RIOK1: variants seen among roughly 807,000 people sequenced by gnomAD.
The protein encoded by RIOK1 is serine/threonine-protein kinase RIO1.
In RIOK1, 66 loss-of-function variants were observed where a neutral mutation model predicts 73.5. That is an observed-to-expected ratio of 0.90 (90% CI 0.74 to 1.10). The LOEUF (loss-of-function observed/expected upper bound fraction) is 1.10, where lower values mean the gene tolerates loss of function less well. Ranked by LOEUF, RIOK1 falls within the 50% of genes least tolerant of loss-of-function variation. RIOK1 has a pLI of 0.00. For missense variants in RIOK1, 658 were observed against 699.8 expected (o/e 0.94, Z 0.67); for synonymous variants, 224 against 226.8 (o/e 0.99, Z 0.11).
At chr6:7,390,691 C>T (rs1761309785) in intron 1 of RIOK1, among the ~76,000 whole-genome samples, 1 of 152,144 alleles carries the variant, frequency 6.6e-6, no homozygotes, top group Non-Finnish European at 1.5e-5. Context: ...GTGCCTAGAG[C>T]ACAGTGGAGG....
intron 8 of RIOK1, 53 bp from the exon 9 acceptor site, chr6:7,403,888 T>G: frequency 8.0e-7 from 1 of 1,253,418 alleles, no homozygotes; most frequent in South Asian, 1.2e-5. Flanking sequence ...TGTAATTTAT[T>G]TAGATGCCTT....
intron 16 of RIOK1, among the ~76,000 whole-genome samples, 198 bp from the exon 17 acceptor site, chr6:7,417,132 TC>T (rs1179962009): frequency 6.6e-6 from 1 of 151,962 alleles, no homozygotes. Flanking sequence ...ACACCTGTTG[TC>T]CCAGCTACCC....
intron 1 of RIOK1, 130 bp downstream of exon 1, chr6:7,390,203 CT>C: frequency 1.3e-6 from 1 of 743,710 alleles, no homozygotes; most frequent in Non-Finnish European, 2.1e-6. Context: ...CTTGACAACC[CT>C]TTGCCTGTTT....
At chr6:7,413,451 AACTT>A (rs1478774398) in intron 15 of RIOK1, among the ~76,000 whole-genome samples, 1 of 152,218 alleles carries the variant, frequency 6.6e-6, no homozygotes, top group African/African-American at 2.4e-5. Context: ...AAGTAATTCT[AACTT>A]AGGCAGTCAT....
intron 15 of RIOK1, 152 bp downstream of exon 15, chr6:7,413,094 G>T: frequency 2.2e-6 from 1 of 448,442 alleles, no homozygotes; most frequent in Non-Finnish European, 3.9e-6. Flanking sequence ...CAAAGTCTGT[G>T]GACATCTTCA....
In RIOK1 at chr6:7,403,963, T is replaced by C. The variant is rs753764241; in HGVS notation, c.790T>C (p.Cys264Arg). 2 of 1,612,388 alleles carry C rather than the reference T, an allele frequency of 1.2e-6. No individual in the cohort carries two copies. The highest frequency in any genetic ancestry group is 3.3e-5 in the Admixed American group (2 of 60,022). Residue 264 changes from cysteine to arginine, a missense_variant, in exon 9 of 17, where the codon TGT (cysteine) becomes CGT (arginine). By Grantham distance (180) the Cys-to-Arg change is radical (BLOSUM62 -3). Transcript: ENST00000379834. ...LIRLNTAEIP[C>R]PEPIMLRSHV... Reference sequence around the variant, plus strand: ...CAGGCTAAACACAGCAGAGATACCATGTCCAGAACCAATAATGCTAAGAAG... The same window carrying C: ...CAGGCTAAACACAGCAGAGATACCACGTCCAGAACCAATAATGCTAAGAAG...
chr6:7,416,025 C>T (rs145260294), intron 16 of RIOK1, among the ~76,000 whole-genome samples: 2,456 of 152,292 alleles, frequency 0.016, 38 homozygotes, highest in Admixed American at 0.046. Flanking sequence ...CACTGGGAGT[C>T]TTGGAACATA....
intron 2 of RIOK1, among the ~76,000 whole-genome samples, chr6:7,393,708 G>A (rs1235803294): frequency 1.3e-5 from 2 of 152,182 alleles, no homozygotes; most frequent in Non-Finnish European, 2.9e-5. Flanking sequence ...ATCATTGATG[G>A]TCAAGTAAAT....
chr6:7,398,677 T>A (rs1171787909), intron 4 of RIOK1, 21 bp from the exon 5 acceptor site: 2 of 1,605,228 alleles, frequency 1.2e-6, no homozygotes, highest in Non-Finnish European at 1.7e-6. Flanking sequence ...GTGTCAACTA[T>A]ACGTTTTTGT....
chr6:7,417,203 G>A, intron 16 of RIOK1, 128 bp from the exon 17 acceptor site: 1 of 537,858 alleles, frequency 1.9e-6, no homozygotes, highest in East Asian at 3.3e-5. Context: ...GTGAACCATG[G>A]TCACGCCACT....
intron 16 of RIOK1, among the ~76,000 whole-genome samples, 185 bp from the exon 17 acceptor site, chr6:7,417,146 G>A (rs1251793162): frequency 6.6e-6 from 1 of 151,980 alleles, no homozygotes; most frequent in Non-Finnish European, 1.5e-5. Context: ...AGCTACCCAG[G>A]AGGCTGAGGT....
In RIOK1 at chr6:7,412,452, C is replaced by T. The variant is rs376406546; in HGVS notation, c.1390-437C>T. On this transcript the variant is annotated intron_variant, in intron 14 of 16. Coordinates refer to ENST00000379834, the MANE Select transcript of RIOK1 (RefSeq NM_031480.3). ...GGTGGATCACCTGAAGTCAGGAGTT[C>T]GAGACCAGCCTGGCCAACATGGTGA... Among the ~76,000 whole-genome samples the T allele has an allele frequency of 7.2e-5, 11 of 151,814 alleles. No homozygotes were observed. In the East Asian group the frequency reaches 1.4e-3, roughly 19 times the overall value.
intron 12 of RIOK1, among the ~76,000 whole-genome samples, chr6:7,407,897 C>T (rs1178781919): frequency 6.6e-6 from 1 of 152,148 alleles, no homozygotes; most frequent in Non-Finnish European, 1.5e-5. Context: ...CATTCTGTGA[C>T]TTGTCTTTTC....
rs1308730143 is a variant in RIOK1, at chr6:7,411,245, T to G, written c.1270-87T>G. 5 of 1,401,468 alleles carry G rather than the reference T, an allele frequency of 3.6e-6. No homozygotes were observed. In the East Asian group the frequency reaches 7.0e-5, roughly 20 times the overall value. The allele number at this position is 1,401,468 out of a possible 1,614,324, so 86.8% of individuals were successfully genotyped here. A position where few individuals can be genotyped will look rare whatever the true frequency, so the allele number is the denominator to read the frequency against. On this transcript the variant is annotated intron_variant, in intron 13 of 16. Transcript: ENST00000379834. Reference sequence around the variant, plus strand: ...GTTAGGGATGAATGAATATATAGATTCCCCTGTAACCTGATGGAGGAGTAT... The same window carrying G: ...GTTAGGGATGAATGAATATATAGATGCCCCTGTAACCTGATGGAGGAGTAT...
chr6:7,399,713 C>A (rs1761567068), intron 5 of RIOK1, among the ~76,000 whole-genome samples: 1 of 152,214 alleles, frequency 6.6e-6, no homozygotes, highest in South Asian at 2.1e-4. Flanking sequence ...TTCGCAGAAG[C>A]ACAGTTCTGT....
chr6:7,398,230 A>G (rs969889976), intron 4 of RIOK1, among the ~76,000 whole-genome samples: 1 of 152,046 alleles, frequency 6.6e-6, no homozygotes, highest in East Asian at 1.9e-4. Flanking sequence ...GACTAACTCT[A>G]TGTGGAGGCT....
intron 1 of RIOK1, among the ~76,000 whole-genome samples, chr6:7,392,012 A>G (rs1002721264): frequency 2.0e-5 from 3 of 152,126 alleles, no homozygotes; most frequent in African/African-American, 7.2e-5. Context: ...TTCAGCTGGT[A>G]TCTCATATTA....
Position 7,411,442 on chromosome 6 carries a change from A to G in RIOK1, c.1380A>G (p.Gln460=). 6.2e-7 allele frequency: 1 copy of G among 1,614,030 alleles called. No homozygotes were observed. The highest frequency in any genetic ancestry group is 8.5e-7 in the Non-Finnish European group (1 of 1,179,948). Residue 460 remains glutamine (Q), a synonymous_variant, in exon 14 of 17, where the codon CAA becomes CAG. Transcript: ENST00000379834. ...LKEEDMAMNA[Q]QDNILYQTVT... is the part of the protein sequence containing the mutation. ...AAGAGGACATGGCCATGAATGCCCA[A>G]CAAGATAATGTAAGTAGCTTGGTTT...
At chr6:7,392,125 A>C (rs1461913745) in intron 1 of RIOK1, among the ~76,000 whole-genome samples, 1 of 152,114 alleles carries the variant, frequency 6.6e-6, no homozygotes, top group Non-Finnish European at 1.5e-5. Flanking sequence ...TGGTATGCAC[A>C]ATTATTTGTA....
Sources: allele counts gnomAD v4.1 joint callset (sites outside exome capture counted in the v4.1 genomes callset), GRCh38; gene constraint gnomAD v4.1.1; transcripts MANE v1.5; gene names NCBI Gene and HGNC (gene_info 2026-07-23, HGNC 2026-07-21).